Variants in SLC14A2 observed in about 807,000 individuals in gnomAD.
SLC14A2 encodes solute carrier family 14 member 2, also known as urea transporter 2.
In SLC14A2, 91 loss-of-function variants were observed where a neutral mutation model predicts 104.6. The ratio of observed to expected loss-of-function variants is 0.87; its 90% CI spans 0.73 to 1.04. The LOEUF (loss-of-function observed/expected upper bound fraction) is 1.04. Among genes scored for constraint, SLC14A2 ranks in the 50% least tolerant of loss-of-function variants. The pLI is 0.00. For missense variants in SLC14A2, 1,189 were observed against 1,156.0 expected (o/e 1.03, Z -0.41); for synonymous variants, 476 against 466.4 (o/e 1.02, Z -0.27).
intron 2 of SLC14A2, among the ~76,000 whole-genome samples, chr18:45,587,688 T>C (rs896713276): frequency 2.0e-5 from 3 of 152,162 alleles, no homozygotes; most frequent in African/African-American, 7.2e-5. Context: ...TCCAGCTCTC[T>C]GATTTCCCAG....
At chr18:45,179,068 C>A in the SLC14A2 span, among the ~76,000 whole-genome samples, 7 of 152,266 alleles carry the variant, frequency 4.6e-5, 1 homozygote, top group East Asian at 1.2e-3. Context: ...AGTCTGTTGC[C>A]TGAGACAAAA....
At chr18:45,279,252 A>T (rs759971356) in intron 1 of SLC14A2, among the ~76,000 whole-genome samples, 18 of 152,260 alleles carry the variant, frequency 1.2e-4, no homozygotes, top group Non-Finnish European at 1.8e-4. Context: ...AAGGAGAAAT[A>T]GGAAGACCCT....
chr18:45,394,359 G>A (rs569579899), intron 1 of SLC14A2, among the ~76,000 whole-genome samples: 17 of 152,148 alleles, frequency 1.1e-4, no homozygotes, highest in African/African-American at 3.4e-4. Context: ...CCTTAAAATC[G>A]TATGTAAATT....
chr18:45,225,610 C>T (rs1383307908), intron 1 of SLC14A2, among the ~76,000 whole-genome samples: 1 of 152,052 alleles, frequency 6.6e-6, no homozygotes, highest in African/African-American at 2.4e-5. Flanking sequence ...GATATTGATT[C>T]TTCCTATCCA....
At chr18:45,533,059 T>A (rs1241968067) in intron 2 of SLC14A2, among the ~76,000 whole-genome samples, 1 of 152,214 alleles carries the variant, frequency 6.6e-6, no homozygotes, top group African/African-American at 2.4e-5. Context: ...CACTTGATCA[T>A]GGTGGATAAG....
chr18:45,408,494 G>T (rs2086180656), intron 1 of SLC14A2, among the ~76,000 whole-genome samples: 1 of 152,162 alleles, frequency 6.6e-6, no homozygotes. Flanking sequence ...TGGTGTGTCT[G>T]AATGACAGCA....
At chr18:45,200,770 T>C in the SLC14A2 span, among the ~76,000 whole-genome samples, 15 of 152,290 alleles carry the variant, frequency 9.8e-5, no homozygotes, top group African/African-American at 2.9e-4. Flanking sequence ...AAGAAACTTT[T>C]AAAGAATAGT....
intron 1 of SLC14A2, among the ~76,000 whole-genome samples, chr18:45,245,644 A>C (rs1247209895): frequency 1.3e-5 from 2 of 152,204 alleles, no homozygotes; most frequent in East Asian, 3.8e-4. Flanking sequence ...GTGGCCAAGT[A>C]GAGTGTAGAT....
At chr18:45,352,493 A>G (rs1391182460) in intron 1 of SLC14A2, among the ~76,000 whole-genome samples, 1 of 152,112 alleles carries the variant, frequency 6.6e-6, no homozygotes, top group Non-Finnish European at 1.5e-5. Flanking sequence ...CATTCTTCCT[A>G]TTCTATCTTT....
intron 1 of SLC14A2, among the ~76,000 whole-genome samples, chr18:45,355,345 G>C (rs1245038767): frequency 6.6e-6 from 1 of 152,050 alleles, no homozygotes; most frequent in Non-Finnish European, 1.5e-5. Flanking sequence ...GGAGGCCGAG[G>C]TGGGTGGATC....
intron 1 of SLC14A2, among the ~76,000 whole-genome samples, chr18:45,449,710 C>T (rs148905514): frequency 2.0e-5 from 3 of 152,220 alleles, no homozygotes; most frequent in South Asian, 2.1e-4. Context: ...GTTGATGGGG[C>T]GTAAAAGTTA....
At chr18:45,408,622 G>A (rs973794369) in intron 1 of SLC14A2, among the ~76,000 whole-genome samples, 5 of 152,154 alleles carry the variant, frequency 3.3e-5, no homozygotes, top group African/African-American at 9.7e-5. Context: ...GTTAAATGTG[G>A]ATTAATGAGG....
intron 1 of SLC14A2, among the ~76,000 whole-genome samples, chr18:45,624,057 G>C (rs1255183441): frequency 1.3e-5 from 2 of 152,200 alleles, no homozygotes; most frequent in African/African-American, 4.8e-5. Context: ...ATGTGGAAGG[G>C]AAGCTCCTTC....
intron 2 of SLC14A2, among the ~76,000 whole-genome samples, chr18:45,564,321 G>A (rs1339655082): frequency 1.3e-5 from 2 of 152,184 alleles, no homozygotes; most frequent in African/African-American, 2.4e-5. Context: ...TTAAAAACTT[G>A]TTTCTCTTTC....
At chr18:45,182,437 CTG>C in the SLC14A2 span, among the ~76,000 whole-genome samples, 2 of 151,704 alleles carry the variant, frequency 1.3e-5, no homozygotes, top group Admixed American at 6.6e-5. Context: ...TTGTTAAAGA[CTG>C]TAACTGATTT....
At chr18:45,507,897 G>A (rs545509445) in intron 2 of SLC14A2, among the ~76,000 whole-genome samples, 1 of 152,300 alleles carries the variant, frequency 6.6e-6, no homozygotes, top group African/African-American at 2.4e-5. Flanking sequence ...GTGAGAAAAG[G>A]TAAGAAGAAC....
intron 2 of SLC14A2, among the ~76,000 whole-genome samples, chr18:45,491,154 A>G (rs1394929660): frequency 6.6e-6 from 1 of 152,256 alleles, no homozygotes; most frequent in Non-Finnish European, 1.5e-5. Context: ...GACAGGTAAG[A>G]GGATGTTTAT....
chr18:45,400,094 CA>C (rs923721563), intron 1 of SLC14A2, among the ~76,000 whole-genome samples: 1 of 152,060 alleles, frequency 6.6e-6, no homozygotes, highest in Non-Finnish European at 1.5e-5. Flanking sequence ...TTCAAACTTA[CA>C]AAAAAAGTTG....
In SLC14A2 at chr18:45,248,903, G is replaced by A. The variant is rs143595495; in HGVS notation, c.-125+35712G>A. Reference sequence around the variant, plus strand: ...GGTGATAAATTTTCAATAAATCTGCGGGGTGGAGGGAAATGAGAGAAGAAA... The same window carrying A: ...GGTGATAAATTTTCAATAAATCTGCAGGGTGGAGGGAAATGAGAGAAGAAA... On this transcript the variant is annotated intron_variant, in intron 1 of 20. Coordinates refer to the SLC14A2 transcript ENST00000586448. Among the ~76,000 whole-genome samples the A allele has an allele frequency of 3.1e-3, 466 of 152,268 alleles. 3 individuals carry two copies. Among genetic ancestry groups the A allele is most frequent in the Middle Eastern group, 0.014 (4 of 294 alleles).
Sources: gnomAD v4.1 joint callset for allele counts (sites outside exome capture counted in the v4.1 genomes callset) on GRCh38, gnomAD v4.1.1 for gene constraint, MANE v1.5 for transcripts, NCBI Gene and HGNC (gene_info 2026-07-23, HGNC 2026-07-21) for gene names.